FBXO7: variants seen among roughly 807,000 people sequenced by gnomAD.
The protein encoded by FBXO7 is F-box protein 7, also known as F-box only protein 7.
FBXO7 carries 31 observed loss-of-function variants against 50.2 expected under a neutral mutation model. The observed-to-expected ratio is 0.62, with a 90% CI of 0.46 to 0.83. The LOEUF is 0.83. FBXO7 is among the 40% of genes least tolerant of loss of function. FBXO7 has a pLI of 0.00. For synonymous variants in FBXO7, 256 were observed against 253.1 expected (o/e 1.01, Z -0.11); for missense variants, 667 against 646.6 (o/e 1.03, Z -0.34).
chr22:32,492,912 G>A (rs1209579908), intron 6 of FBXO7, 193 bp from the exon 7 acceptor site: 1 of 643,250 alleles, frequency 1.6e-6, no homozygotes, highest in Non-Finnish European at 2.8e-6. Context: ...AGAGTTATAT[G>A]AGTTAATAGT....
At position 32,491,105 on chromosome 22, in the gene FBXO7, A is replaced by T. The variant is rs146429630; in HGVS notation, c.891A>T (p.Ile297=). Residue 297 remains isoleucine, a synonymous_variant, in exon 6 of 9, where the codon ATA becomes ATT. Coordinates refer to ENST00000266087, the MANE Select transcript of FBXO7 (RefSeq NM_012179.4). ...TTCTAGGGGAAAATGTAGCCAACAT[A>T]TACAAAGATCTTCAGAAACTCTCTC... is the stretch of plus-strand genomic sequence containing the variant. ...KEKLGENVAN[I]YKDLQKLSRL... is the part of the protein sequence containing the mutation. The T allele has an allele frequency of 1.2e-6, 2 of 1,613,158 alleles. No homozygotes were observed. Among genetic ancestry groups the T allele is most frequent in the African/African-American group, 1.3e-5 (1 of 74,922 alleles).
At position 32,478,981 on chromosome 22, in the gene FBXO7, T is replaced by C. The variant is rs769507938; in HGVS notation, c.123T>C (p.Ser41=). The C allele has an allele frequency of 6.2e-7, 1 of 1,614,208 alleles. No homozygotes were observed. ...TATGCTTATCTGTCTTTCTTGGCAG[T>C]TCTAATACCCGATTTACAATTACAT... ...RQSLLCTWGY[S]SNTRFTITLN... is the part of the protein sequence containing the mutation. Residue 41 remains serine, a splice_region_variant and synonymous_variant, in exon 2 of 9, where the codon AGT becomes AGC. Coordinates refer to ENST00000266087, the MANE Select transcript of FBXO7 (RefSeq NM_012179.4).
At chr22:32,486,826 T>G (rs534178632) in intron 4 of FBXO7, among the ~76,000 whole-genome samples, 1 of 152,342 alleles carries the variant, frequency 6.6e-6, no homozygotes, top group African/African-American at 2.4e-5. Flanking sequence ...TTGGCATTCT[T>G]GTACACAGAG....
In FBXO7 at chr22:32,493,191, G is replaced by A. The variant is rs762037477; in HGVS notation, c.1054G>A (p.Val352Ile). ...RIFRLLDVRS[V>I]LSLSAVCRDL... ...CTTCCGACTTCTGGATGTTCGTTCC[G>A]TCTTGTCTTTGTCTGCGGTTTGTCG... Residue 352 changes from valine to isoleucine, a missense_variant, in exon 7 of 9, where the codon GTC becomes ATC. Physicochemically the swap from Val to Ile is conservative, Grantham distance 29. Coordinates refer to ENST00000266087, the MANE Select transcript of FBXO7 (RefSeq NM_012179.4). 107 of 1,614,006 alleles carry A rather than the reference G, an allele frequency of 6.6e-5. No homozygotes were observed. Among genetic ancestry groups the A allele is most frequent in the Non-Finnish European group, 8.1e-5 (95 of 1,180,012 alleles).
chr22:32,477,732 C>A (rs1601502355), intron 1 of FBXO7, among the ~76,000 whole-genome samples: 1 of 152,110 alleles, frequency 6.6e-6, no homozygotes, highest in East Asian at 1.9e-4. Context: ...AGTAAACTGT[C>A]CTGTAAGGAT....
chr22:32,487,769 T>TA lies in FBXO7; in HGVS notation c.812_813insA (p.Arg272Ter), dbSNP rs2057508089. 1 of 1,608,694 alleles carries TA rather than the reference T, an allele frequency of 6.2e-7. No homozygotes were observed. The highest frequency in any genetic ancestry group is 1.3e-5 in the African/African-American group (1 of 74,812). On this transcript the variant is annotated frameshift_variant, in exon 5 of 9. Coordinates refer to ENST00000266087, the MANE Select transcript of FBXO7 (RefSeq NM_012179.4). LOFTEE classifies it high-confidence loss of function. ...GCTACACTAAAAATCAACAATGAGA[T>TA]TAGAAGTGTGAAAAGATTGCAGCTG...
intron 7 of FBXO7, among the ~76,000 whole-genome samples, chr22:32,494,837 C>G (rs776713293): frequency 2.6e-5 from 4 of 152,148 alleles, no homozygotes; most frequent in Non-Finnish European, 4.4e-5. Flanking sequence ...AATCTTACTT[C>G]CATGCTAATG....
chr22:32,475,369 G>A lies in FBXO7; in HGVS notation c.122+245G>A, dbSNP rs199636063. ...GTCCGGCTCCTGGAGAACATGGCCCGGCCTCCCGGGGGCTCTGGTCCCCTC... is the reference window on the plus strand; with the variant it reads ...GTCCGGCTCCTGGAGAACATGGCCCAGCCTCCCGGGGGCTCTGGTCCCCTC... On this transcript the variant is annotated intron_variant, in intron 1 of 8. Coordinates refer to ENST00000266087, the MANE Select transcript of FBXO7 (RefSeq NM_012179.4). The A allele has an allele frequency of 3.3e-4, 534 of 1,610,344 alleles. 3 individuals carry two copies. The African/African-American group carries it at 6.6e-3, about 20-fold the overall frequency.
At chr22:32,487,552 A>G (rs143328875) in intron 4 of FBXO7, 193 bp from the exon 5 acceptor site, 77 of 552,558 alleles carry the variant, frequency 1.4e-4, no homozygotes, top group African/African-American at 1.3e-3. Flanking sequence ...TTGTAGAGTG[A>G]TTTTACTTCA....
At chr22:32,484,576 G>C (rs750087510) in intron 3 of FBXO7, among the ~76,000 whole-genome samples, 1 of 152,088 alleles carries the variant, frequency 6.6e-6, no homozygotes, top group African/African-American at 2.4e-5. Context: ...TCTTCAAGGA[G>C]TCCATACATA....
intron 4 of FBXO7, among the ~76,000 whole-genome samples, chr22:32,486,858 T>C (rs1327459125): frequency 6.6e-6 from 1 of 152,250 alleles, no homozygotes; most frequent in East Asian, 1.9e-4. Flanking sequence ...TCTGCCTTCA[T>C]CTAATCATTC....
chr22:32,476,751 A>AT (rs1477250273), intron 1 of FBXO7, among the ~76,000 whole-genome samples: 21 of 152,348 alleles, frequency 1.4e-4, no homozygotes, highest in Admixed American at 7.8e-4. Flanking sequence ...TGGCTACTCC[A>AT]TAGGCAGAGC....
chr22:32,484,964 G>A (rs2057489108), intron 3 of FBXO7, 104 bp from the exon 4 acceptor site: 1 of 1,316,254 alleles, frequency 7.6e-7, no homozygotes, highest in African/African-American at 1.4e-5. Flanking sequence ...AGAGGACTGT[G>A]TGGAGTGATT....
At position 32,491,080 on chromosome 22, in the gene FBXO7, T is replaced by C. The variant is rs749169371; in HGVS notation, c.872-6T>C. On this transcript the variant is annotated splice_polypyrimidine_tract_variant and splice_region_variant and intron_variant, in intron 5 of 8. Transcript: ENST00000266087. ...GGTTTTGATTTTACTTTAAAAAATA[T>C]TCTAGGGGAAAATGTAGCCAACATA... The C allele has an allele frequency of 1.9e-6, 3 of 1,607,612 alleles. No homozygotes were observed. Among genetic ancestry groups the C allele is most frequent in the East Asian group, 2.2e-5 (1 of 44,796 alleles).
At position 32,478,992 on chromosome 22, in the gene FBXO7, G is replaced by A. The variant is rs537381228; in HGVS notation, c.134G>A (p.Arg45Gln). 3.1e-6 allele frequency: 5 copies of A among 1,614,174 alleles called. No individual in the cohort carries two copies. Among genetic ancestry groups the A allele is most frequent in the East Asian group, 2.2e-5 (1 of 44,878 alleles). Residue 45 changes from arginine to glutamine, a missense_variant, in exon 2 of 9, where the codon CGA (arginine) becomes CAA (glutamine). Arg to Gln is a conservative substitution (Grantham distance 43, BLOSUM62 1). Coordinates refer to ENST00000266087, the MANE Select transcript of FBXO7 (RefSeq NM_012179.4). ...GTCTTTCTTGGCAGTTCTAATACCC[G>A]ATTTACAATTACATTGAACTACAAG... ...LCTWGYSSNT[R>Q]FTITLNYKDP...
chr22:32,485,086 C>G lies in FBXO7; in HGVS notation c.664C>G (p.Leu222Val), dbSNP rs1176428428. Residue 222 changes from leucine to valine, a missense_variant, in exon 4 of 9, where the codon CTG becomes GTG. Transcript: ENST00000266087. ...TCCCCAGGGCACCGAAGCCAAAGCA[C>G]TGTCCATGCCGGAGAAGTGGAAGTT... ...YIPQGTEAKA[L>V]SMPEKWKLSG... is the part of the protein sequence containing the mutation. 7.4e-6 allele frequency: 12 copies of G among 1,614,074 alleles called. No homozygotes were observed. Among genetic ancestry groups the G allele is most frequent in the Non-Finnish European group, 9.3e-6 (11 of 1,180,042 alleles).
At chr22:32,478,862 G>C (rs1470288506) in intron 1 of FBXO7, 119 bp from the exon 2 acceptor site, 5 of 995,282 alleles carry the variant, frequency 5.0e-6, no homozygotes, top group Non-Finnish European at 7.9e-6. Flanking sequence ...GTGAGACCTT[G>C]TCTCTTCATC....
chr22:32,487,903 G>A lies in FBXO7; in HGVS notation c.871+75G>A, dbSNP rs1183971371. 11 of 934,704 alleles carry A rather than the reference G, an allele frequency of 1.2e-5. No individual in the cohort carries two copies. In the East Asian group the frequency reaches 2.6e-4, roughly 22 times the overall value. The allele number at this position is 934,704 out of a possible 1,614,324, so 57.9% of individuals were successfully genotyped here. ...ATAAGAAAAAAATCTGAAAGATAATGTTCAAAAGACTGAAAATTTCTATAT... is the reference window on the plus strand; with the variant it reads ...ATAAGAAAAAAATCTGAAAGATAATATTCAAAAGACTGAAAATTTCTATAT... On this transcript the variant is annotated intron_variant, in intron 5 of 8. Coordinates refer to ENST00000266087, the MANE Select transcript of FBXO7 (RefSeq NM_012179.4).
chr22:32,495,565 A>G, intron 8 of FBXO7, 35 bp downstream of exon 8: 1 of 1,267,374 alleles, frequency 7.9e-7, no homozygotes, highest in South Asian at 1.3e-5. Flanking sequence ...TAATGTCCAT[A>G]ACACAGAAAT....
Sources: gnomAD v4.1 joint callset for allele counts (sites outside exome capture counted in the v4.1 genomes callset) on GRCh38, gnomAD v4.1.1 for gene constraint, MANE v1.5 for transcripts, NCBI Gene and HGNC (gene_info 2026-07-23, HGNC 2026-07-21) for gene names.